Variants in PPCS observed in about 807,000 individuals in gnomAD.
PPCS encodes the protein phosphopantothenoylcysteine synthetase.
PPCS carries 17 observed loss-of-function variants against 24.6 expected under a neutral mutation model. The observed-to-expected ratio is 0.69, with a 90% confidence interval of 0.47 to 1.04. The LOEUF is 1.04. PPCS is among the 50% of genes least tolerant of loss of function. The pLI, the probability that PPCS is intolerant of heterozygous loss-of-function variation, is 0.00. For synonymous variants in PPCS, 190 were observed against 168.3 expected (o/e 1.13, Z -1.00); for missense variants, 360 against 402.8 (o/e 0.89, Z 0.91).
chr1:42,465,797 A>G (rs1156794534), downstream of PPCS, among the ~76,000 whole-genome samples: 1 of 152,208 alleles, frequency 6.6e-6, no homozygotes, highest in African/African-American at 2.4e-5. Flanking sequence ...GAGATCAGGG[A>G]TGCTGCTCCA....
Position 42,459,917 on chromosome 1 carries a change from C to G in PPCS, c.927C>G (p.Asp309Glu), listed in dbSNP as rs760575381. ...LQSRHTAFIG[D>E]RN ...CTCGACACACAGCTTTTATAGGTGA[C>G]AGAAACTGAAGTAAAAAGCCCTTAT... is the stretch of plus-strand genomic sequence containing the variant. The change falls in exon 3 of 3, where the codon GAC (aspartate) becomes GAG (glutamate). Residue 309 changes from aspartate to glutamate, a missense_variant. Around this residue, in one of 2 missense-constraint regions of PPCS, gnomAD observed 116 missense variants for 168.1 expected, o/e 0.69. Coordinates refer to ENST00000372561, the MANE Select transcript of PPCS (RefSeq NM_024664.4). The G allele has an allele frequency of 1.9e-6, 3 of 1,604,516 alleles. No homozygotes were observed. Among genetic ancestry groups the G allele is most frequent in the Non-Finnish European group, 2.6e-6 (3 of 1,175,026 alleles).
chr1:42,463,218 A>G (rs567377272), downstream of PPCS: 7 of 152,358 alleles, frequency 4.6e-5, no homozygotes, highest in Admixed American at 3.3e-4. Flanking sequence ...CTCTGGTTCC[A>G]CTGGCGTGCG....
intron 2 of PPCS, among the ~76,000 whole-genome samples, chr1:42,467,382 C>T (rs901345056): frequency 6.6e-6 from 1 of 152,138 alleles, no homozygotes; most frequent in Non-Finnish European, 1.5e-5. Context: ...AAGGCAGTAA[C>T]CCTAGACATG....
rs774413953 is a variant in PPCS at position 42,457,038 on chromosome 1, T to A, written c.473T>A (p.Leu158Gln). 1 of 1,600,546 alleles carries A rather than the reference T, an allele frequency of 6.2e-7. No homozygotes were observed. ...ACCACTTTGGCGGACTATTTGCATC[T>A]GTTGCAGGCTGCGGCCCAGGCACTC... ...EFTTLADYLH[L>Q]LQAAAQALNP... The change falls in exon 1 of 3, where the codon CTG becomes CAG. Residue 158 changes from leucine (L) to glutamine (Q), a missense_variant. Leu to Gln is a moderately radical substitution (Grantham distance 113). Around this residue, in one of 2 missense-constraint regions of PPCS, gnomAD observed 244 missense variants for 234.7 expected, o/e 1.04. Transcript: ENST00000372561.
rs759327365 is a variant in PPCS, at chr1:42,459,894, C to T, written c.904C>T (p.Arg302Ter). 2.4e-5 allele frequency: 38 copies of T among 1,612,154 alleles called. No homozygotes were observed. Among genetic ancestry groups the T allele is most frequent in the Non-Finnish European group, 3.0e-5 (35 of 1,178,916 alleles). Residue 302 changes from arginine (R) to a stop codon, truncating the protein, a stop_gained, in exon 3 of 3, where the codon CGA becomes TGA. Transcript: ENST00000372561. LOFTEE classifies it high-confidence loss of function. ...GAAGATAGTGGATAATCTTCAGTCT[C>T]GACACACAGCTTTTATAGGTGACAG... ...EEKIVDNLQSRHTAFIGDRN is the reference protein window; with the variant it reads ...EEKIVDNLQS
chr1:42,458,425 C>G (rs1643302047), intron 2 of PPCS, among the ~76,000 whole-genome samples: 1 of 152,162 alleles, frequency 6.6e-6, no homozygotes, highest in Non-Finnish European at 1.5e-5. Context: ...AAACTCTTAT[C>G]TGTGGGGCAT....
At chr1:42,467,458 TAGA>T (rs200416373) in intron 2 of PPCS, among the ~76,000 whole-genome samples, 2,016 of 152,056 alleles carry the variant, frequency 0.013, 25 homozygotes, top group South Asian at 0.056. Flanking sequence ...CATACCAGAG[TAGA>T]ATGAATAGGA....
chr1:42,462,228 G>C (rs1557781256), downstream of PPCS, among the ~76,000 whole-genome samples: 1 of 152,170 alleles, frequency 6.6e-6, no homozygotes, highest in African/African-American at 2.4e-5. Flanking sequence ...GGGTGGGGGA[G>C]AGTGTGTGTG....
chr1:42,459,548 AC>A, intron 2 of PPCS, 54 bp from the exon 3 acceptor site: 1 of 1,401,374 alleles, frequency 7.1e-7, no homozygotes, highest in Non-Finnish European at 9.9e-7. Context: ...CATGAGATTG[AC>A]CTGGTAGGTA....
At chr1:42,464,063 A>G (rs1643490587), downstream of PPCS, 1 of 152,124 alleles carries the variant, frequency 6.6e-6, no homozygotes, top group African/African-American at 2.4e-5. Flanking sequence ...TCATCTATAG[A>G]CCACCTCCTT....
chr1:42,460,241 C>A lies in PPCS; in HGVS notation c.*315C>A. ...TACTATAGAAAAAGGATTATGGATG[C>A]ATGAATGGTCATGCTTTGGAGATCA... On this transcript the variant is annotated 3_prime_UTR_variant, in exon 3 of 3. Coordinates refer to ENST00000372561, the MANE Select transcript of PPCS (RefSeq NM_024664.4). 1 of 1,042,696 alleles carries A rather than the reference C, an allele frequency of 9.6e-7. No homozygotes were observed. Among genetic ancestry groups the A allele is most frequent in the Non-Finnish European group, 1.2e-6 (1 of 865,164 alleles). The allele number at this position is 1,042,696 out of a possible 1,614,324, so 64.6% of individuals were successfully genotyped here.
rs1294049244 is a variant in PPCS at position 42,461,150 on chromosome 1, G to C, written c.*1224G>C. Among the ~76,000 whole-genome samples, 1 of 152,174 alleles carries C rather than the reference G, an allele frequency of 6.6e-6. No homozygotes were observed. The highest frequency in any genetic ancestry group is 1.5e-5 in the Non-Finnish European group (1 of 68,022). ...ATATTTGACTTAAAATACAATTCAT[G>C]GTGTTTCATGGAGTAGGGAAGGGTA... is the stretch of plus-strand genomic sequence containing the variant. On this transcript the variant is annotated 3_prime_UTR_variant, in exon 3 of 3. Transcript: ENST00000372561.
At chr1:42,471,012 A>G (rs1309012306) in intron 2 of PPCS, among the ~76,000 whole-genome samples, 1 of 152,256 alleles carries the variant, frequency 6.6e-6, no homozygotes, top group Non-Finnish European at 1.5e-5. Context: ...AGAAGGTGTT[A>G]GAGGGAGACA....
chr1:42,470,462 G>A (rs569633559), intron 2 of PPCS, among the ~76,000 whole-genome samples: 10 of 152,034 alleles, frequency 6.6e-5, no homozygotes, highest in Admixed American at 3.3e-4. Context: ...CCACTCCTAC[G>A]TATATACCCC....
intron 2 of PPCS, among the ~76,000 whole-genome samples, chr1:42,466,463 C>A (rs544468956): frequency 2.0e-5 from 3 of 152,278 alleles, no homozygotes; most frequent in African/African-American, 7.2e-5. Flanking sequence ...GGATGCACTT[C>A]TTTCCAGAGA....
chr1:42,458,792 A>T (rs374110717), intron 2 of PPCS, among the ~76,000 whole-genome samples: 99 of 152,316 alleles, frequency 6.5e-4, no homozygotes, highest in Admixed American at 1.1e-3. Context: ...GGGATTGGGG[A>T]TGAGGTACTA....
chr1:42,463,705 GC>G (rs1454700979), downstream of PPCS: 1 of 152,104 alleles, frequency 6.6e-6, no homozygotes, highest in Non-Finnish European at 1.5e-5. Context: ...GTCGAGACGC[GC>G]CCCTGGACAG....
chr1:42,466,705 C>G (rs1319701397), intron 2 of PPCS, among the ~76,000 whole-genome samples: 1 of 151,972 alleles, frequency 6.6e-6, no homozygotes, highest in Admixed American at 6.6e-5. Flanking sequence ...GCACCCGCCA[C>G]CATGCCCGGC....
At chr1:42,473,281 A>G in exon 3 of PPCS, 1 of 1,231,422 alleles carries the variant, frequency 8.1e-7, no homozygotes, top group Non-Finnish European at 1.0e-6. Context: ...CTTATAGTGA[A>G]GCACATGGGT....
Sources: allele counts gnomAD v4.1 joint callset (sites outside exome capture counted in the v4.1 genomes callset), GRCh38; gene constraint gnomAD v4.1.1; regional missense constraint gnomAD v4.1.1; transcripts MANE v1.5; gene names NCBI Gene and HGNC (gene_info 2026-07-23, HGNC 2026-07-21).